The following MMP17 variants were observed in gnomAD, a reference collection of about 807,000 sequenced individuals.
The protein encoded by MMP17 is matrix metallopeptidase 17, also known as matrix metalloproteinase-17.
A neutral mutation model predicts 49.1 loss-of-function variants in MMP17; 54 were observed. The ratio of observed to expected loss-of-function variants is 1.10; its 90% CI spans 0.88 to 1.38. MMP17 has a LOEUF of 1.38. MMP17 is among the 40% of genes most tolerant of loss of function. The pLI, the probability that MMP17 is intolerant of heterozygous loss-of-function variation, is 0.00. For missense variants in MMP17, 837 were observed against 853.7 expected, an observed-to-expected ratio of 0.98 and a Z score of 0.24; for synonymous variants, 397 against 383.1, an observed-to-expected ratio of 1.04 and a Z score of -0.42.
intron 5 of MMP17, among the ~76,000 whole-genome samples, chr12:131,843,058 C>T (rs1314073107): frequency 1.3e-5 from 2 of 151,944 alleles, no homozygotes; most frequent in South Asian, 2.1e-4. Context: ...CGCAGTGGCG[C>T]GATCTCGGCT....
rs1330226045 is a variant in MMP17 at position 131,840,876 on chromosome 12, CAG to C, written c.706+21_706+22del. On this transcript the variant is annotated intron_variant, in intron 4 of 9. Coordinates refer to ENST00000360564, the MANE Select transcript of MMP17 (RefSeq NM_016155.7). ...CCTCGGGTGCGTCTGGGGCAGCCCT[CAG>C]GGCAGAGTCAGGAGCCCCAGCGGCC... 6.4e-7 allele frequency: 1 copy of C among 1,567,150 alleles called. No homozygotes were observed. Among genetic ancestry groups the C allele is most frequent in the Non-Finnish European group, 8.6e-7 (1 of 1,157,358 alleles).
chr12:131,834,160 A>G (rs943495651), intron 1 of MMP17, among the ~76,000 whole-genome samples: 4 of 152,176 alleles, frequency 2.6e-5, no homozygotes, highest in African/African-American at 9.7e-5. Context: ...GTAATGGCCC[A>G]GCCCATGGGA....
At chr12:131,835,172 G>A (rs12314416) in intron 1 of MMP17, among the ~76,000 whole-genome samples, 37,800 of 152,120 alleles carry the variant, frequency 0.25, 5,745 homozygotes, top group East Asian at 0.43. Flanking sequence ...GCACAAACTC[G>A]TGTTAGGTAG....
chr12:131,850,184 G>C, intron 9 of MMP17, 125 bp downstream of exon 9: 1 of 1,331,840 alleles, frequency 7.5e-7, no homozygotes, highest in Non-Finnish European at 1.0e-6. Flanking sequence ...GGGCTCTGAG[G>C]GTCCCAGCCC....
At chr12:131,837,520 C>T (rs935834541) in intron 1 of MMP17, among the ~76,000 whole-genome samples, 10 of 152,152 alleles carry the variant, frequency 6.6e-5, no homozygotes, top group African/African-American at 2.4e-4. Context: ...GGTCCCAGAC[C>T]TTGGATGCTA....
At position 131,841,682 on chromosome 12, in the gene MMP17, G is replaced by T. The variant is rs1887417130; in HGVS notation, c.765G>T (p.Gly255=). Residue 255 remains glycine, a synonymous_variant, in exon 5 of 10, where the codon GGG becomes GGT. Coordinates refer to ENST00000360564, the MANE Select transcript of MMP17 (RefSeq NM_016155.7). ...VAVHEFGHAI[G]LSHVAAAHSI... ...TCCACGAGTTTGGCCACGCCATTGG[G>T]TTAAGCCATGTGGCCGCTGCACACT... 6.2e-7 allele frequency: 1 copy of T among 1,613,954 alleles called. No homozygotes were observed. Among genetic ancestry groups the T allele is most frequent in the Admixed American group, 1.7e-5 (1 of 60,000 alleles).
Position 131,828,529 on chromosome 12 carries a change from C to A in MMP17, c.35C>A (p.Pro12Gln), listed in dbSNP as rs1347738898. The change falls in exon 1 of 10, where the codon CCG becomes CAG. Residue 12 changes from proline to glutamine, a missense_variant. Pro to Gln is a moderately conservative substitution (Grantham distance 76, BLOSUM62 -1). Transcript: ENST00000360564. ...RRRAARGPGP[P>Q]PPGPGLSRLP... ...CGCGCAGCCCGGGGACCCGGCCCGC[C>A]GCCCCCAGGGCCCGGACTCTCGCGG... The A allele has an allele frequency of 1.0e-6, 1 of 996,232 alleles. No individual in the cohort carries two copies. The highest frequency in any genetic ancestry group is 4.5e-5 in the South Asian group (1 of 22,222). 61.7% of individuals were successfully genotyped at this position (996,232 alleles called of 1,614,324 possible).
Position 131,847,123 on chromosome 12 carries a change from A to AC in MMP17, c.1204+1674_1204+1675insC, listed in dbSNP as rs1438544891. Among the ~76,000 whole-genome samples the AC allele has an allele frequency of 3.2e-3, 489 of 151,688 alleles. 4 individuals are homozygous for AC. Among genetic ancestry groups the AC allele is most frequent in the African/African-American group, 0.011 (452 of 41,342 alleles). ...AAGACCTTGTCTAAAAAAAAAAAAA[A>AC]ACCAAAATGTCACGCGCAGTGGCTC... On this transcript the variant is annotated intron_variant, in intron 8 of 9. Transcript: ENST00000360564.
At position 131,850,081 on chromosome 12, in the gene MMP17, G is replaced by A. The variant is rs771573837; in HGVS notation, c.1462+22G>A. On this transcript the variant is annotated intron_variant, in intron 9 of 9. Coordinates refer to ENST00000360564, the MANE Select transcript of MMP17 (RefSeq NM_016155.7). ...GACGGTGAGTGCCAGCTGGGGGGAC[G>A]GGCCATGCGGCCTTGGTTTCCCCAC... is the stretch of plus-strand genomic sequence containing the variant. 4.4e-6 allele frequency: 7 copies of A among 1,585,634 alleles called. No homozygotes were observed. In the East Asian group the frequency reaches 6.9e-5, roughly 16 times the overall value.
At chr12:131,837,763 TGCAGTG>T (rs1457641654) in intron 1 of MMP17, among the ~76,000 whole-genome samples, 1 of 152,122 alleles carries the variant, frequency 6.6e-6, no homozygotes, top group Non-Finnish European at 1.5e-5. Flanking sequence ...CAGGCTGGAG[TGCAGTG>T]GCACGATCTC....
In MMP17 at chr12:131,851,174, C is replaced by CG. The variant is rs1299468962; in HGVS notation, c.1717dup (p.Ala573GlyfsTer39). 1 of 1,486,042 alleles carries CG rather than the reference C, an allele frequency of 6.7e-7. No homozygotes were observed. Among genetic ancestry groups the CG allele is most frequent in the Non-Finnish European group, 9.0e-7 (1 of 1,114,466 alleles). The allele number at this position is 1,486,042 out of a possible 1,614,324, so 92.1% of individuals were successfully genotyped here. A position where few individuals can be genotyped will look rare whatever the true frequency, so the allele number is the denominator to read the frequency against. The stretch of plus-strand genomic sequence containing the variant: ...TGCACCTCTGGGGCATCCTCTCCCC[C>CG]GGGGGCCCCAGGCCCACTGGTGGCT... On this transcript the variant is annotated frameshift_variant, in exon 10 of 10. Transcript: ENST00000360564. LOFTEE classifies it low-confidence loss of function (END_TRUNC).
At chr12:131,843,418 A>G (rs1385124903) in intron 5 of MMP17, among the ~76,000 whole-genome samples, 1 of 150,830 alleles carries the variant, frequency 6.6e-6, no homozygotes, top group Admixed American at 6.6e-5. Context: ...GCTAATTTTT[A>G]GATTTTTTTG....
chr12:131,832,616 C>T (rs1293246822), intron 1 of MMP17, among the ~76,000 whole-genome samples: 1 of 150,042 alleles, frequency 6.7e-6, no homozygotes, highest in Non-Finnish European at 1.5e-5. Context: ...GCACCCGCCT[C>T]TGGGATTCGG....
At chr12:131,841,516 C>T (rs572339235) in intron 4 of MMP17, 108 bp from the exon 5 acceptor site, 11 of 1,164,240 alleles carry the variant, frequency 9.4e-6, no homozygotes, top group African/African-American at 6.1e-5. Flanking sequence ...CAGCCGGCAT[C>T]GAGGCATCCC....
At chr12:131,847,228 C>G (rs11246853) in intron 8 of MMP17, among the ~76,000 whole-genome samples, 4 of 151,686 alleles carry the variant, frequency 2.6e-5, no homozygotes, top group Non-Finnish European at 5.9e-5. Context: ...CTGGTTAACA[C>G]GGTGAAACCC....
chr12:131,830,253 C>T (rs968526724), intron 1 of MMP17, among the ~76,000 whole-genome samples: 10 of 152,382 alleles, frequency 6.6e-5, no homozygotes, highest in African/African-American at 2.4e-4. Context: ...CAGGCGCCCT[C>T]CTCTCGGCTG....
chr12:131,828,930 G>C (rs1166908294), intron 1 of MMP17, among the ~76,000 whole-genome samples: 1 of 152,006 alleles, frequency 6.6e-6, no homozygotes, highest in Non-Finnish European at 1.5e-5. Flanking sequence ...GAGTTGTGAG[G>C]GGGTCGCCCA....
rs369852533 is a variant in MMP17, at chr12:131,849,492, T to C, written c.1205-310T>C. Among the ~76,000 whole-genome samples the C allele has an allele frequency of 3.9e-4, 59 of 152,218 alleles. 2 individuals carry two copies. The East Asian group carries it at 6.4e-3, about 16-fold the overall frequency. On this transcript the variant is annotated intron_variant, in intron 8 of 9. Transcript: ENST00000360564. The stretch of plus-strand genomic sequence containing the variant: ...AGCAAGACTCCGTCTCAAAAAATAA[T>C]GATCATAATAATAATAGGATGGCAT...
At position 131,841,815 on chromosome 12, in the gene MMP17, G is replaced by T; in HGVS notation, c.883+15G>T. The T allele has an allele frequency of 6.4e-7, 1 of 1,558,024 alleles. No homozygotes were observed. ...GCAGCTGTACGGTGAGTGTCTCCCC[G>T]AAGCCAGACACAGGGCCCCTGGAAG... On this transcript the variant is annotated intron_variant, in intron 5 of 9. Transcript: ENST00000360564.
Sources: allele counts gnomAD v4.1 joint callset (sites outside exome capture counted in the v4.1 genomes callset), GRCh38; gene constraint gnomAD v4.1.1; transcripts MANE v1.5; gene names NCBI Gene and HGNC (gene_info 2026-07-23, HGNC 2026-07-21).